CIB4: variants seen among roughly 807,000 people sequenced by gnomAD.
CIB4 encodes the protein calcium and integrin-binding family member 4.
A neutral mutation model predicts 25.8 loss-of-function variants in CIB4; 25 were observed. The ratio of observed to expected loss-of-function variants is 0.97; its 90% CI spans 0.71 to 1.35. The LOEUF is 1.35. CIB4 is among the 40% of genes most tolerant of loss of function. The probability of loss-of-function intolerance (pLI) is 0.00; values close to 1 mark genes in which losing one functional copy is unlikely to be tolerated. For synonymous variants in CIB4, 75 were observed against 81.4 expected (o/e 0.92, Z 0.42); for missense variants, 235 against 228.2 (o/e 1.03, Z -0.19).
At chr2:26,589,049 T>C (rs1482693818) in intron 4 of CIB4, among the ~76,000 whole-genome samples, 1 of 56,840 alleles carries the variant, frequency 1.8e-5, no homozygotes, top group African/African-American at 7.5e-5. Flanking sequence ...TTCTTCTTCT[T>C]CTTCTTCTTC....
intron 2 of CIB4, among the ~76,000 whole-genome samples, chr2:26,638,957 A>C (rs1283458958): frequency 6.6e-6 from 1 of 151,978 alleles, no homozygotes; most frequent in East Asian, 1.9e-4. Context: ...GTCTCAAAAA[A>C]AACCCCAAAA....
chr2:26,614,547 T>C (rs1437423612), intron 3 of CIB4, among the ~76,000 whole-genome samples: 4 of 152,148 alleles, frequency 2.6e-5, no homozygotes, highest in Admixed American at 2.6e-4. Context: ...GGAGGCAGAG[T>C]CTGGCAGAGT....
At chr2:26,592,123 T>G (rs1668596566) in intron 4 of CIB4, among the ~76,000 whole-genome samples, 1 of 152,274 alleles carries the variant, frequency 6.6e-6, no homozygotes, top group Non-Finnish European at 1.5e-5. Context: ...ACTCATCTAG[T>G]GCTGGTTCTT....
rs201575742 is a variant in CIB4 at position 26,589,153 on chromosome 2, CCCTTCCCCTTCT to C, written c.329-5267_329-5256del. The stretch of plus-strand genomic sequence containing the variant: ...CTTCTTCTTCTTCTCCTTCCCCTTC[CCCTTCCCCTTCT>C]CCTTCTCCTTCTTCCTCTTCCTCTT... On this transcript the variant is annotated intron_variant, in intron 4 of 6. Coordinates refer to ENST00000288861, the MANE Select transcript of CIB4 (RefSeq NM_001029881.3). Among the ~76,000 whole-genome samples, 663 of 119,470 alleles carry C rather than the reference CCCTTCCCCTTCT, an allele frequency of 5.5e-3. 39 individuals carry two copies. Among genetic ancestry groups the C allele is most frequent in the African/African-American group, 0.02 (610 of 30,704 alleles). 78.4% of individuals were successfully genotyped at this position (119,470 alleles called of 152,430 possible). A position where few individuals can be genotyped will look rare whatever the true frequency, so the allele number is the denominator to read the frequency against.
chr2:26,625,810 A>G (rs754003090), intron 3 of CIB4, among the ~76,000 whole-genome samples: 1 of 152,252 alleles, frequency 6.6e-6, no homozygotes, highest in African/African-American at 2.4e-5. Flanking sequence ...ATCTCTGCCC[A>G]TGCATATGCC....
Position 26,611,538 on chromosome 2 carries a change from T to C in CIB4, c.187-16221A>G, listed in dbSNP as rs115814648. On this transcript the variant is annotated intron_variant, in intron 3 of 6. Transcript: ENST00000288861. ...ATAAAGGTTTTTCCATGTTGCTACA[T>C]ACTCAGTATAATTATCATTTTAATG... Among the ~76,000 whole-genome samples the C allele has an allele frequency of 8.5e-3, 1,300 of 152,332 alleles. 12 individuals are homozygous for C. Among genetic ancestry groups the C allele is most frequent in the Non-Finnish European group, 0.012 (800 of 68,038 alleles).
At position 26,583,791 on chromosome 2, in the gene CIB4, G is replaced by A. The variant is rs150318786; in HGVS notation, c.436C>T (p.His146Tyr). 6.3e-6 allele frequency: 10 copies of A among 1,599,024 alleles called. No homozygotes were observed. The African/African-American group carries it at 1.3e-4, about 21-fold the overall frequency. ...SEDLLMDLTN[H>Y]VLSESDLDND... The stretch of plus-strand genomic sequence containing the variant: ...AACTCCCAGCCCCCAGCACACACGT[G>A]GTTCGTGAGGTCCATCAGGAGGTCC... The change falls in exon 5 of 7, where the codon CAC becomes TAC. Residue 146 changes from histidine (H) to tyrosine (Y), a missense_variant and splice_region_variant. Coordinates refer to ENST00000288861, the MANE Select transcript of CIB4 (RefSeq NM_001029881.3).
chr2:26,613,296 G>A (rs1304868576), intron 3 of CIB4, among the ~76,000 whole-genome samples: 1 of 152,112 alleles, frequency 6.6e-6, no homozygotes, highest in African/African-American at 2.4e-5. Flanking sequence ...CAGTACCCTT[G>A]GGGCCAAATC....
At chr2:26,622,934 G>A (rs1669233088) in intron 3 of CIB4, among the ~76,000 whole-genome samples, 1 of 152,146 alleles carries the variant, frequency 6.6e-6, no homozygotes, top group Admixed American at 6.5e-5. Flanking sequence ...AGTGAGCTGA[G>A]ATGGTGCTTC....
intron 3 of CIB4, among the ~76,000 whole-genome samples, chr2:26,623,971 A>G (rs998789085): frequency 2.6e-5 from 4 of 152,144 alleles, no homozygotes; most frequent in Admixed American, 2.0e-4. Context: ...AATACACCAA[A>G]TCCATCAGAC....
At chr2:26,634,743 G>T (rs930183383) in intron 2 of CIB4, among the ~76,000 whole-genome samples, 24 of 152,212 alleles carry the variant, frequency 1.6e-4, no homozygotes, top group African/African-American at 5.8e-4. Context: ...CCAGGACAGG[G>T]CCATGGAGTC....
chr2:26,600,765 T>C (rs888154890), intron 3 of CIB4, among the ~76,000 whole-genome samples: 1 of 152,228 alleles, frequency 6.6e-6, no homozygotes, highest in African/African-American at 2.4e-5. Context: ...TTAATGTTGA[T>C]TCTTTCCAAA....
intron 4 of CIB4, among the ~76,000 whole-genome samples, chr2:26,587,133 C>T (rs922343675): frequency 6.6e-6 from 1 of 151,716 alleles, no homozygotes. Flanking sequence ...AGTGAAACCC[C>T]GTCTCTACTA....
chr2:26,590,273 A>AC (rs1668562147), intron 4 of CIB4, among the ~76,000 whole-genome samples: 1 of 151,130 alleles, frequency 6.6e-6, no homozygotes, highest in Non-Finnish European at 1.5e-5. Flanking sequence ...AAAAAAAAAA[A>AC]AAAAAAAAAA....
chr2:26,589,233 C>T (rs1273075687), intron 4 of CIB4, among the ~76,000 whole-genome samples: 1 of 148,840 alleles, frequency 6.7e-6, no homozygotes, highest in Non-Finnish European at 1.5e-5. Flanking sequence ...TCCTCCCCCT[C>T]TTCTTCTACT....
Position 26,599,249 on chromosome 2 carries a change from C to A in CIB4, c.187-3932G>T, listed in dbSNP as rs1348407048. On this transcript the variant is annotated intron_variant, in intron 3 of 6. Transcript: ENST00000288861. ...TCAGTACAGCAATTTATACAGGTAACTCAGTGTATGATCTCCATTTATACG... is the reference window on the plus strand; with the variant it reads ...TCAGTACAGCAATTTATACAGGTAAATCAGTGTATGATCTCCATTTATACG... 6.1e-4 allele frequency among the ~76,000 whole-genome samples: 93 copies of A among 152,166 alleles called. 1 individual carries two copies. The highest frequency in any genetic ancestry group is 4.4e-5 in the Non-Finnish European group (3 of 68,036).
At chr2:26,604,553 T>C (rs1346213596) in intron 3 of CIB4, among the ~76,000 whole-genome samples, 1 of 152,194 alleles carries the variant, frequency 6.6e-6, no homozygotes, top group Non-Finnish European at 1.5e-5. Flanking sequence ...TCTCTTATTC[T>C]ACTCTTCTAT....
chr2:26,591,625 C>A (rs1668587964), intron 4 of CIB4, among the ~76,000 whole-genome samples: 2 of 152,242 alleles, frequency 1.3e-5, no homozygotes, highest in Non-Finnish European at 2.9e-5. Flanking sequence ...GTATAATCCC[C>A]AACCCCCTTG....
rs1047963727 is a variant in CIB4, at chr2:26,623,713, C to A, written c.186+5697G>T. 2.6e-5 allele frequency: 9 copies of A among 351,790 alleles called. No individual in the cohort carries two copies. The Admixed American group carries it at 2.7e-4, about 11-fold the overall frequency. 21.8% of individuals were successfully genotyped at this position (351,790 alleles called of 1,614,324 possible). A position where few individuals can be genotyped will look rare whatever the true frequency, so the allele number is the denominator to read the frequency against. On this transcript the variant is annotated intron_variant, in intron 3 of 6. Transcript: ENST00000288861. ...GAAGACCATCTGCCAGCAGGAAGCCCGGAGCAGGAGGAGGGAAGAGGCCAG... is the reference window on the plus strand; with the variant it reads ...GAAGACCATCTGCCAGCAGGAAGCCAGGAGCAGGAGGAGGGAAGAGGCCAG...
Sources: allele counts gnomAD v4.1 joint callset (sites outside exome capture counted in the v4.1 genomes callset), GRCh38; gene constraint gnomAD v4.1.1; transcripts MANE v1.5; gene names NCBI Gene and HGNC (gene_info 2026-07-23, HGNC 2026-07-21).